The following NRG1 variants were observed in gnomAD, a reference collection of about 807,000 sequenced individuals.
The protein encoded by NRG1 is neuregulin 1.
Under a neutral mutation model 63.8 loss-of-function variants are expected in NRG1, and 18 were observed. That is an observed-to-expected ratio of 0.28 (90% CI 0.19 to 0.42). NRG1 has a LOEUF of 0.42. Among genes scored for constraint, NRG1 ranks in the 10% least tolerant of loss-of-function variants. NRG1 has a pLI of 1.00. For synonymous variants in NRG1, 302 were observed against 301.3 expected, an observed-to-expected ratio of 1.00 and a Z score of -0.02; for missense variants, 762 against 814.7, an observed-to-expected ratio of 0.94 and a Z score of 0.79.
chr8:32,399,531 C>G (rs1298331147), intron 1 of NRG1, among the ~76,000 whole-genome samples: 1 of 152,102 alleles, frequency 6.6e-6, no homozygotes, highest in African/African-American at 2.4e-5. Context: ...ATTACAAAAC[C>G]CCTTCTCTAC....
intron 1 of NRG1, among the ~76,000 whole-genome samples, chr8:32,097,148 C>T (rs1232436251): frequency 6.6e-6 from 1 of 152,152 alleles, no homozygotes; most frequent in Non-Finnish European, 1.5e-5. Context: ...CCTCCAATTC[C>T]ATCTATGTTG....
chr8:32,444,053 T>G (rs1320418399), intron 1 of NRG1, among the ~76,000 whole-genome samples: 1 of 151,636 alleles, frequency 6.6e-6, no homozygotes, highest in Non-Finnish European at 1.5e-5. Flanking sequence ...TTTCTTTTTC[T>G]TTCTCTCTCT....
intron 1 of NRG1, among the ~76,000 whole-genome samples, chr8:32,385,773 G>A (rs1048839755): frequency 6.6e-6 from 1 of 152,052 alleles, no homozygotes; most frequent in Admixed American, 6.5e-5. Context: ...ATGGGATTTC[G>A]GTGGGGACAC....
intron 1 of NRG1, among the ~76,000 whole-genome samples, chr8:32,470,666 T>C (rs968178874): frequency 1.3e-5 from 2 of 152,198 alleles, no homozygotes; most frequent in African/African-American, 4.8e-5. Flanking sequence ...AGATCACTAG[T>C]TGTGTTTGCT....
At chr8:32,761,725 A>G (rs1403644892) in intron 11 of NRG1, among the ~76,000 whole-genome samples, 1 of 151,874 alleles carries the variant, frequency 6.6e-6, no homozygotes, top group Admixed American at 6.6e-5. Flanking sequence ...CTTCCCACTC[A>G]TGGACTGGGG....
intron 5 of NRG1, among the ~76,000 whole-genome samples, chr8:32,660,942 G>A (rs558065178): frequency 3.3e-5 from 5 of 152,320 alleles, no homozygotes; most frequent in Non-Finnish European, 1.5e-5. Context: ...GAATTCCAAG[G>A]GACCTATTGA....
chr8:31,977,493 A>G (rs1014783548), intron 1 of NRG1, among the ~76,000 whole-genome samples: 10 of 151,986 alleles, frequency 6.6e-5, no homozygotes, highest in African/African-American at 2.4e-4. Flanking sequence ...AATTCATTGG[A>G]ATTATTTTTC....
chr8:31,728,496 T>A (rs967999843), intron 1 of NRG1, among the ~76,000 whole-genome samples: 2 of 152,216 alleles, frequency 1.3e-5, no homozygotes, highest in Non-Finnish European at 2.9e-5. Context: ...CACTTTTTTT[T>A]AAACTTTTGG....
intron 1 of NRG1, among the ~76,000 whole-genome samples, chr8:32,203,189 T>A (rs944009297): frequency 9.1e-5 from 1 of 10,988 alleles, no homozygotes; most frequent in African/African-American, 4.3e-4. Context: ...GCAAGCCAGC[T>A]TTTTTTTTTT....
intron 1 of NRG1, among the ~76,000 whole-genome samples, chr8:31,656,022 T>G (rs1041380815): frequency 6.6e-6 from 1 of 152,190 alleles, no homozygotes; most frequent in South Asian, 2.1e-4. Flanking sequence ...CATGTGCTTG[T>G]TTGGAGCTGG....
intron 1 of NRG1, among the ~76,000 whole-genome samples, chr8:32,225,877 A>T (rs1432501532): frequency 1.3e-5 from 2 of 152,180 alleles, no homozygotes; most frequent in Non-Finnish European, 2.9e-5. Flanking sequence ...TTGCATAATT[A>T]GTCAGTTTCC....
chr8:32,143,953 C>T (rs1441372995), intron 1 of NRG1, among the ~76,000 whole-genome samples: 1 of 152,188 alleles, frequency 6.6e-6, no homozygotes, highest in Non-Finnish European at 1.5e-5. Flanking sequence ...TATCTGCCTG[C>T]CATTTGTGTG....
intron 1 of NRG1, chr8:32,063,099 TC>T (rs1446433140): frequency 1.3e-5 from 2 of 152,144 alleles, no homozygotes; most frequent in Non-Finnish European, 2.9e-5. Flanking sequence ...TTATGTTTCT[TC>T]CAGTTGTATT....
At chr8:32,278,149 G>T (rs950512151) in intron 1 of NRG1, among the ~76,000 whole-genome samples, 35 of 152,092 alleles carry the variant, frequency 2.3e-4, no homozygotes, top group African/African-American at 6.5e-4. Flanking sequence ...ATATATCATG[G>T]CATTAAATCA....
chr8:31,714,491 A>AT (rs909373686), intron 1 of NRG1, among the ~76,000 whole-genome samples: 6 of 151,988 alleles, frequency 3.9e-5, no homozygotes, highest in African/African-American at 1.4e-4. Flanking sequence ...TCTAGTTTTC[A>AT]TTTTTGGTAA....
At chr8:31,822,436 A>G (rs953730821) in intron 1 of NRG1, among the ~76,000 whole-genome samples, 4 of 152,124 alleles carry the variant, frequency 2.6e-5, no homozygotes, top group African/African-American at 9.7e-5. Flanking sequence ...AAAAGTGACA[A>G]TGTCACTTCT....
intron 1 of NRG1, among the ~76,000 whole-genome samples, chr8:31,769,423 C>T (rs1047399158): frequency 1.5e-4 from 23 of 152,250 alleles, no homozygotes; most frequent in Middle Eastern, 3.4e-3. Context: ...AGGTCTCTGC[C>T]GCAGCTTGTC....
intron 1 of NRG1, among the ~76,000 whole-genome samples, chr8:32,274,465 A>G (rs1851877168): frequency 1.3e-5 from 2 of 152,236 alleles, no homozygotes; most frequent in Admixed American, 1.3e-4. Context: ...TGATATGAGC[A>G]AAATGTTTTT....
chr8:32,141,521 AGTGTGTGTGTGT>A (rs10555336), intron 1 of NRG1, among the ~76,000 whole-genome samples: 2 of 129,950 alleles, frequency 1.5e-5, no homozygotes, highest in Non-Finnish European at 3.2e-5. Context: ...GAGATAGTTA[AGTGTGTGTGTGT>A]GTGTGTGTGT....
Sources: gnomAD v4.1 joint callset for allele counts (sites outside exome capture counted in the v4.1 genomes callset) on GRCh38, gnomAD v4.1.1 for gene constraint, MANE v1.5 for transcripts, NCBI Gene and HGNC (gene_info 2026-07-23, HGNC 2026-07-21) for gene names.